The following BPHL variants were observed in gnomAD, a reference collection of about 807,000 sequenced individuals.
BPHL encodes the protein biphenyl hydrolase like, also known as serine hydrolase BPHL.
A neutral mutation model predicts 31.2 loss-of-function variants in BPHL; 27 were observed. The observed-to-expected ratio is 0.87, with a 90% CI of 0.64 to 1.19. BPHL has a LOEUF of 1.19. BPHL is among the 50% of genes most tolerant of loss of function. BPHL has a pLI of 0.00. For synonymous variants in BPHL, 150 were observed against 146.8 expected (o/e 1.02, Z -0.16); for missense variants, 356 against 375.7 (o/e 0.95, Z 0.43).
chr6:3,134,208 TAAC>T (rs1190001513), intron 4 of BPHL, among the ~76,000 whole-genome samples: 3 of 152,142 alleles, frequency 2.0e-5, no homozygotes, highest in Non-Finnish European at 4.4e-5. Context: ...GTATGAAATG[TAAC>T]AACAAAACGA....
intron 1 of BPHL, among the ~76,000 whole-genome samples, chr6:3,119,752 C>G (rs944914260): frequency 6.6e-6 from 1 of 152,170 alleles, no homozygotes; most frequent in Non-Finnish European, 1.5e-5. Context: ...TAGATAGGTA[C>G]ACAGCGTTTA....
At chr6:3,142,073 A>C (rs541550440) in intron 6 of BPHL, among the ~76,000 whole-genome samples, 1 of 152,286 alleles carries the variant, frequency 6.6e-6, no homozygotes, top group Admixed American at 6.5e-5. Context: ...TCATGGTACA[A>C]AATTCCAGTA....
intron 3 of BPHL, 146 bp downstream of exon 3, chr6:3,127,554 G>T: frequency 1.6e-6 from 1 of 617,488 alleles, no homozygotes; most frequent in Non-Finnish European, 2.5e-6. Context: ...TAGGTATAAA[G>T]AAGAAAGTAG....
At chr6:3,145,035 G>A (rs1279853605) in intron 6 of BPHL, among the ~76,000 whole-genome samples, 1 of 152,246 alleles carries the variant, frequency 6.6e-6, no homozygotes. Flanking sequence ...TGGAGTGCTG[G>A]TTTGGGTTTG....
chr6:3,152,804 A>G lies in BPHL; in HGVS notation c.*229A>G. 1 of 396,478 alleles carries G rather than the reference A, an allele frequency of 2.5e-6. No individual in the cohort carries two copies. Among genetic ancestry groups the G allele is most frequent in the Non-Finnish European group, 4.5e-6 (1 of 221,178 alleles). The allele number at this position is 396,478 out of a possible 1,614,324, so 24.6% of individuals were successfully genotyped here. On this transcript the variant is annotated 3_prime_UTR_variant, in exon 7 of 7. Transcript: ENST00000380379. ...CACTTTGGGAGGCTGAGGTGGGAGAATTGCCTGAGCCCAGGAGTTCAAGAC... is the reference window on the plus strand; with the variant it reads ...CACTTTGGGAGGCTGAGGTGGGAGAGTTGCCTGAGCCCAGGAGTTCAAGAC...
intron 1 of BPHL, 152 bp from the exon 2 acceptor site, chr6:3,123,505 A>G: frequency 1.7e-6 from 1 of 572,174 alleles, no homozygotes; most frequent in Non-Finnish European, 3.1e-6. Flanking sequence ...CCTTCTAGCT[A>G]TTTTAAACTA....
At chr6:3,146,891 T>C (rs964079375) in intron 6 of BPHL, among the ~76,000 whole-genome samples, 3 of 151,018 alleles carry the variant, frequency 2.0e-5, no homozygotes, top group African/African-American at 4.9e-5. Flanking sequence ...GGGCGAGTGC[T>C]GGTTCGGGTT....
chr6:3,150,010 T>TA, intron 6 of BPHL: 1 of 152,328 alleles, frequency 6.6e-6, no homozygotes, highest in South Asian at 2.1e-4. Context: ...AAAAAGGGGC[T>TA]ATTGGCAACC....
upstream of BPHL, chr6:3,118,672 C>A: frequency 8.9e-7 from 1 of 1,117,658 alleles, no homozygotes; most frequent in Non-Finnish European, 1.1e-6. Context: ...GGCTTCGGGG[C>A]AGAGTGGGCC....
In BPHL at chr6:3,118,857, G is replaced by T; in HGVS notation, c.107+10G>T. On this transcript the variant is annotated intron_variant, in intron 1 of 6. Coordinates refer to ENST00000380379, the MANE Select transcript of BPHL (RefSeq NM_004332.4). ...CCGCGGCCGCGTTCGGGTAATGGCGGCCACCTCGCCCCGGGGATCCCCAGC... is the reference window on the plus strand; with the variant it reads ...CCGCGGCCGCGTTCGGGTAATGGCGTCCACCTCGCCCCGGGGATCCCCAGC... 8.1e-7 allele frequency: 1 copy of T among 1,235,680 alleles called. No homozygotes were observed. The highest frequency in any genetic ancestry group is 1.0e-6 in the Non-Finnish European group (1 of 988,754). The allele number at this position is 1,235,680 out of a possible 1,614,324, so 76.5% of individuals were successfully genotyped here. A position where few individuals can be genotyped will look rare whatever the true frequency, so the allele number is the denominator to read the frequency against.
chr6:3,146,742 C>G (rs145318183), intron 6 of BPHL, among the ~76,000 whole-genome samples: 1 of 114,638 alleles, frequency 8.7e-6, no homozygotes, highest in Non-Finnish European at 1.8e-5. Context: ...TGGTTTGGGT[C>G]GGAGTGCTGG....
In BPHL at chr6:3,118,737, G is replaced by T; in HGVS notation, c.-4G>T. ...CACTCCCGGCAGCTACGCGACCTGT[G>T]ACCATGGTGGCTGTGCTGGGCGGCC... On this transcript the variant is annotated 5_prime_UTR_variant, in exon 1 of 7. Transcript: ENST00000380379. 7.9e-7 allele frequency: 1 copy of T among 1,261,654 alleles called. No homozygotes were observed. Among genetic ancestry groups the T allele is most frequent in the South Asian group, 3.5e-5 (1 of 28,802 alleles). The allele number at this position is 1,261,654 out of a possible 1,614,324, so 78.2% of individuals were successfully genotyped here. A position where few individuals can be genotyped will look rare whatever the true frequency, so the allele number is the denominator to read the frequency against.
chr6:3,136,032 A>G (rs1332222341), intron 4 of BPHL, among the ~76,000 whole-genome samples: 1 of 152,156 alleles, frequency 6.6e-6, no homozygotes, highest in African/African-American at 2.4e-5. Context: ...CTGTATTTTC[A>G]GGGTTCTGTT....
Position 3,140,225 on chromosome 6 carries a change from T to G in BPHL, c.665-161T>G, listed in dbSNP as rs955209823. On this transcript the variant is annotated intron_variant, in intron 5 of 6. Coordinates refer to ENST00000380379, the MANE Select transcript of BPHL (RefSeq NM_004332.4). The surrounding 1 kb of genome is among the most constrained non-coding windows in gnomAD (Gnocchi z 5.2). ...ACAGAAAAGGGAACCCAAAGAATGTTAGAGCTGGAAGGAATCCCAGGCACG... is the reference window on the plus strand; with the variant it reads ...ACAGAAAAGGGAACCCAAAGAATGTGAGAGCTGGAAGGAATCCCAGGCACG... 6.0e-6 allele frequency: 5 copies of G among 839,432 alleles called. No individual in the cohort carries two copies. The highest frequency in any genetic ancestry group is 7.1e-6 in the Non-Finnish European group (4 of 560,234). 52.0% of individuals were successfully genotyped at this position (839,432 alleles called of 1,614,324 possible).
chr6:3,126,608 G>A (rs1369556465), intron 2 of BPHL, among the ~76,000 whole-genome samples: 4 of 150,904 alleles, frequency 2.7e-5, no homozygotes, highest in Non-Finnish European at 4.4e-5. Context: ...TTTTGGTGGA[G>A]GGACAGAGTC....
At chr6:3,121,828 A>C in intron 1 of BPHL, among the ~76,000 whole-genome samples, 1 of 152,208 alleles carries the variant, frequency 6.6e-6, no homozygotes, top group Non-Finnish European at 1.5e-5. Flanking sequence ...GTATGTTAAG[A>C]GTAGATGTAC....
chr6:3,137,422 G>T lies in BPHL; in HGVS notation c.593G>T (p.Gly198Val). 1.2e-6 allele frequency: 2 copies of T among 1,612,956 alleles called. No homozygotes were observed. The highest frequency in any genetic ancestry group is 1.7e-6 in the Non-Finnish European group (2 of 1,179,848). The change falls in exon 5 of 7, where the codon GGG (glycine) becomes GTG (valine). Residue 198 changes from glycine to valine, a missense_variant. Physicochemically the swap from Gly to Val is moderately radical, Grantham distance 109 (BLOSUM62 -3). Coordinates refer to ENST00000380379, the MANE Select transcript of BPHL (RefSeq NM_004332.4). The part of the protein sequence containing the change: ...RTRKPLEALY[G>V]YDYFARTCEK... ...AGAAAGCCTCTAGAAGCCCTCTATG[G>T]GTATGACTACTTTGCCAGAACCTGT...
chr6:3,132,628 C>G (rs1001114344), intron 4 of BPHL, among the ~76,000 whole-genome samples: 5 of 151,974 alleles, frequency 3.3e-5, no homozygotes, highest in African/African-American at 1.2e-4. Context: ...CCCAGGAGTT[C>G]AAGACCAGCC....
intron 2 of BPHL, among the ~76,000 whole-genome samples, chr6:3,124,489 A>G (rs1761661579): frequency 6.6e-6 from 1 of 152,184 alleles, no homozygotes; most frequent in South Asian, 2.1e-4. Flanking sequence ...GGAAGCCCTC[A>G]GATCCCAAAA....
Sources: gnomAD v4.1 joint callset for allele counts (sites outside exome capture counted in the v4.1 genomes callset) on GRCh38, gnomAD v4.1.1 for gene constraint, Gnocchi (gnomAD v3.1) non-coding constraint, MANE v1.5 for transcripts, NCBI Gene and HGNC (gene_info 2026-07-23, HGNC 2026-07-21) for gene names.